The following ROR1 variants were observed in gnomAD, a reference collection of about 807,000 sequenced individuals.
ROR1 encodes the protein inactive tyrosine-protein kinase transmembrane receptor ROR1.
Under a neutral mutation model 78.8 loss-of-function variants are expected in ROR1, and 19 were observed. The observed-to-expected ratio is 0.24, with a 90% CI of 0.17 to 0.35. The LOEUF is 0.35. ROR1 is among the 10% of genes least tolerant of loss of function. The probability of loss-of-function intolerance (pLI) is 1.00; values close to 1 mark genes in which losing one functional copy is unlikely to be tolerated. For synonymous variants in ROR1, 386 were observed against 433.6 expected, an observed-to-expected ratio of 0.89 and a Z score of 1.36; for missense variants, 917 against 1,177.8, an observed-to-expected ratio of 0.78 and a Z score of 3.24.
Position 63,907,279 on chromosome 1 carries a change from T to A in ROR1, c.92-102026T>A, listed in dbSNP as rs149878210. 5.0e-3 allele frequency among the ~76,000 whole-genome samples: 756 copies of A among 152,252 alleles called. 6 individuals carry two copies. The highest frequency in any genetic ancestry group is 0.018 in the African/African-American group (732 of 41,540). ...GGGACTTGGCGATGTTGGCAAATAA[T>A]AAGCATGGGGCTTGGGCGGCCGGCT... On this transcript the variant is annotated intron_variant, in intron 1 of 8. Transcript: ENST00000371079.
At chr1:63,840,067 A>G (rs1202619382) in intron 1 of ROR1, among the ~76,000 whole-genome samples, 2 of 152,114 alleles carry the variant, frequency 1.3e-5, no homozygotes, top group Non-Finnish European at 2.9e-5. Flanking sequence ...TGGTAAATGG[A>G]GTCATTTTAT....
intron 1 of ROR1, among the ~76,000 whole-genome samples, chr1:63,894,273 A>G (rs1401233691): frequency 1.3e-5 from 2 of 152,160 alleles, no homozygotes; most frequent in African/African-American, 4.8e-5. Context: ...TTTAAAACTT[A>G]CGAATTATTT....
At chr1:63,991,039 C>G (rs1332732574) in intron 1 of ROR1, among the ~76,000 whole-genome samples, 1 of 152,196 alleles carries the variant, frequency 6.6e-6, no homozygotes, top group Non-Finnish European at 1.5e-5. Context: ...CTGCCTCAGG[C>G]TCCTGAATAG....
chr1:64,109,341 A>T (rs532281662), intron 4 of ROR1, among the ~76,000 whole-genome samples: 1 of 152,306 alleles, frequency 6.6e-6, no homozygotes, highest in Admixed American at 6.5e-5. Flanking sequence ...AGGCTGCTGT[A>T]GCTGGAATTA....
At chr1:64,176,435 G>A (rs1650381620) in intron 8 of ROR1, among the ~76,000 whole-genome samples, 1 of 152,144 alleles carries the variant, frequency 6.6e-6, no homozygotes, top group Admixed American at 6.5e-5. Flanking sequence ...CTCATTAAAA[G>A]TTTGCAATAA....
chr1:64,114,657 C>T (rs1028300826), intron 4 of ROR1, among the ~76,000 whole-genome samples: 4 of 152,130 alleles, frequency 2.6e-5, no homozygotes, highest in Non-Finnish European at 4.4e-5. Context: ...ACAAACCCGG[C>T]ACATTGCCTT....
chr1:64,103,912 G>T (rs952529794), intron 4 of ROR1, among the ~76,000 whole-genome samples: 2 of 152,088 alleles, frequency 1.3e-5, no homozygotes, highest in Non-Finnish European at 2.9e-5. Flanking sequence ...TTGCCTTCCA[G>T]GGAACACTTT....
chr1:64,077,134 T>C (rs140528932), intron 4 of ROR1, among the ~76,000 whole-genome samples: 3 of 152,294 alleles, frequency 2.0e-5, no homozygotes, highest in Admixed American at 2.0e-4. Flanking sequence ...TATGGTTCAA[T>C]AGATAAATAA....
rs878915278 is a variant in ROR1, at chr1:64,178,300, A to C, written c.2259A>C (p.Ser753=). Residue 753 remains serine (S), a synonymous_variant, in exon 9 of 9, where the codon TCA becomes TCC. Transcript: ENST00000371079. The surrounding 1 kb of genome is among the most constrained non-coding windows in gnomAD (Gnocchi z 4.3). ...GGCTTCGGTCCTGGGAGGGACTCTCAAGTCACACAAGCTCTACTACTCCTT... is the reference window on the plus strand; with the variant it reads ...GGCTTCGGTCCTGGGAGGGACTCTCCAGTCACACAAGCTCTACTACTCCTT... ...HVRLRSWEGL[S]SHTSSTTPSG... 1 of 1,614,136 alleles carries C rather than the reference A, an allele frequency of 6.2e-7. No individual in the cohort carries two copies. The highest frequency in any genetic ancestry group is 1.3e-5 in the African/African-American group (1 of 75,022).
At chr1:63,808,762 G>A (rs1262826250) in intron 1 of ROR1, among the ~76,000 whole-genome samples, 1 of 152,036 alleles carries the variant, frequency 6.6e-6, no homozygotes, top group East Asian at 1.9e-4. Flanking sequence ...CAGAAAAGGG[G>A]TAGGAAAAAG....
intron 1 of ROR1, among the ~76,000 whole-genome samples, chr1:63,813,064 CAA>C (rs879726306): frequency 7.5e-5 from 10 of 132,970 alleles, no homozygotes; most frequent in Admixed American, 1.5e-4. Flanking sequence ...AAACAAATGG[CAA>C]AAAAAAAAAA....
intron 1 of ROR1, among the ~76,000 whole-genome samples, chr1:63,819,431 C>T (rs1644911621): frequency 6.6e-6 from 1 of 152,106 alleles, no homozygotes; most frequent in South Asian, 2.1e-4. Context: ...GAACCTGCTT[C>T]CTTGTTGAGT....
intron 2 of ROR1, among the ~76,000 whole-genome samples, chr1:64,023,689 C>T (rs1261283542): frequency 6.6e-6 from 1 of 152,132 alleles, no homozygotes; most frequent in Admixed American, 6.5e-5. Context: ...GATATATTTA[C>T]TGAAAAGGAA....
intron 1 of ROR1, among the ~76,000 whole-genome samples, chr1:63,828,193 G>A (rs1478009800): frequency 6.6e-6 from 1 of 152,168 alleles, no homozygotes; most frequent in East Asian, 1.9e-4. Flanking sequence ...TTGATACTGT[G>A]TAATGTGAAT....
intron 4 of ROR1, among the ~76,000 whole-genome samples, chr1:64,115,054 T>G (rs1333766916): frequency 6.6e-6 from 1 of 152,162 alleles, no homozygotes; most frequent in East Asian, 1.9e-4. Context: ...AGCGTCTACC[T>G]CTTGGACTCA....
At chr1:63,984,236 A>G (rs1197455709) in intron 1 of ROR1, among the ~76,000 whole-genome samples, 1 of 152,152 alleles carries the variant, frequency 6.6e-6, no homozygotes, top group African/African-American at 2.4e-5. Flanking sequence ...CCTGAAGCGT[A>G]CCCAGACTTC....
intron 1 of ROR1, among the ~76,000 whole-genome samples, chr1:63,997,258 A>G (rs1274966081): frequency 1.3e-5 from 2 of 152,234 alleles, no homozygotes; most frequent in Non-Finnish European, 2.9e-5. Context: ...CATCACAGCC[A>G]TTGAAATCCT....
intron 1 of ROR1, among the ~76,000 whole-genome samples, chr1:63,786,571 CT>C (rs10530236): frequency 0.01 from 1,186 of 113,316 alleles, 16 homozygotes; most frequent in African/African-American, 0.034. Flanking sequence ...CGCGCCTGGC[CT>C]TTTTTTTTTT....
In ROR1 at chr1:63,802,291, C is replaced by T. The variant is rs190629386; in HGVS notation, c.91+27783C>T. ...TGCATGGCTTGTCCAGGAGCATCCA[C>T]GGAGCATCCTTGGACACTAGGTGGG... On this transcript the variant is annotated intron_variant, in intron 1 of 8. Transcript: ENST00000371079. 1.2e-3 allele frequency among the ~76,000 whole-genome samples: 183 copies of T among 152,140 alleles called. No homozygotes were observed. The Middle Eastern group carries it at 0.017, about 14-fold the overall frequency.
Sources: gnomAD v4.1 joint callset for allele counts (sites outside exome capture counted in the v4.1 genomes callset) on GRCh38, gnomAD v4.1.1 for gene constraint, Gnocchi (gnomAD v3.1) non-coding constraint, MANE v1.5 for transcripts, NCBI Gene and HGNC (gene_info 2026-07-23, HGNC 2026-07-21) for gene names.